SEMA6D: variants seen among roughly 807,000 people sequenced by gnomAD.
The protein encoded by SEMA6D is semaphorin-6D.
A neutral mutation model predicts 106.6 loss-of-function variants in SEMA6D; 35 were observed. The ratio of observed to expected loss-of-function variants is 0.33; its 90% CI spans 0.25 to 0.44. The LOEUF is 0.44. Among genes scored for constraint, SEMA6D ranks in the 20% least tolerant of loss-of-function variants. The pLI, the probability that SEMA6D is intolerant of heterozygous loss-of-function variation, is 1.00. For missense variants in SEMA6D, 1,185 were observed against 1,345.9 expected (o/e 0.88, Z 1.87); for synonymous variants, 499 against 487.7 (o/e 1.02, Z -0.31).
chr15:47,669,879 C>G (rs1427710760), intron 4 of SEMA6D, among the ~76,000 whole-genome samples: 1 of 152,236 alleles, frequency 6.6e-6, no homozygotes, highest in African/African-American at 2.4e-5. Flanking sequence ...AACCCATCTT[C>G]TTCCAGACAA....
intron 3 of SEMA6D, among the ~76,000 whole-genome samples, chr15:47,542,336 C>G (rs2142234796): frequency 6.6e-6 from 1 of 152,290 alleles, no homozygotes; most frequent in East Asian, 1.9e-4. Context: ...ATATGCCTTT[C>G]TAAATTGGCA....
At chr15:47,358,591 G>A (rs1222685319) in intron 1 of SEMA6D, among the ~76,000 whole-genome samples, 1 of 152,156 alleles carries the variant, frequency 6.6e-6, no homozygotes, top group Non-Finnish European at 1.5e-5. Flanking sequence ...CGTGGTGAAA[G>A]GATCATCTTG....
intron 2 of SEMA6D, among the ~76,000 whole-genome samples, chr15:47,434,446 T>C (rs1425025686): frequency 2.6e-5 from 4 of 152,088 alleles, no homozygotes; most frequent in Non-Finnish European, 5.9e-5. Flanking sequence ...GCAGATATTT[T>C]TTTTCTTCTT....
intron 1 of SEMA6D, among the ~76,000 whole-genome samples, chr15:47,188,257 A>G (rs563874045): frequency 2.0e-5 from 3 of 152,328 alleles, no homozygotes; most frequent in South Asian, 4.1e-4. Context: ...ACATTGATTA[A>G]GTGATTCAAA....
At chr15:47,614,171 G>A (rs2076963776) in intron 4 of SEMA6D, among the ~76,000 whole-genome samples, 1 of 152,020 alleles carries the variant, frequency 6.6e-6, no homozygotes, top group Non-Finnish European at 1.5e-5. Flanking sequence ...AATGAATCAG[G>A]TGAAAAAAAG....
At chr15:47,763,296 G>A (rs1291385551) in intron 9 of SEMA6D, among the ~76,000 whole-genome samples, 192 bp downstream of exon 9, 1 of 152,114 alleles carries the variant, frequency 6.6e-6, no homozygotes, top group African/African-American at 2.4e-5. Flanking sequence ...AACCTGAGTG[G>A]GAACAGCAGC....
intron 4 of SEMA6D, among the ~76,000 whole-genome samples, chr15:47,628,282 C>A (rs1372680172): frequency 1.5e-5 from 2 of 136,866 alleles, no homozygotes; most frequent in African/African-American, 4.9e-5. Flanking sequence ...GATTAAGGCA[C>A]TTGCAGGGTT....
At chr15:47,448,628 C>A (rs531670772) in intron 2 of SEMA6D, among the ~76,000 whole-genome samples, 13 of 152,140 alleles carry the variant, frequency 8.5e-5, no homozygotes, top group Non-Finnish European at 1.6e-4. Flanking sequence ...AAATGAGGTC[C>A]ATGGCGACTC....
At chr15:47,254,726 T>G (rs913620391) in intron 1 of SEMA6D, among the ~76,000 whole-genome samples, 6 of 152,212 alleles carry the variant, frequency 3.9e-5, no homozygotes, top group African/African-American at 1.2e-4. Flanking sequence ...GTTTACTGAT[T>G]TGCCCATTTT....
intron 1 of SEMA6D, among the ~76,000 whole-genome samples, chr15:47,391,901 A>G (rs2040047914): frequency 1.3e-5 from 2 of 152,104 alleles, no homozygotes; most frequent in South Asian, 2.1e-4. Context: ...TGTTCCCTCA[A>G]TATCTCTCTC....
intron 3 of SEMA6D, among the ~76,000 whole-genome samples, chr15:47,508,446 A>C (rs1048804811): frequency 2.0e-5 from 3 of 152,188 alleles, no homozygotes; most frequent in African/African-American, 7.2e-5. Flanking sequence ...GGATGGCCCC[A>C]TGGAGTGGCG....
intron 3 of SEMA6D, among the ~76,000 whole-genome samples, chr15:47,593,972 A>G (rs2076490582): frequency 6.6e-6 from 1 of 152,162 alleles, no homozygotes; most frequent in Admixed American, 6.5e-5. Context: ...CATCTCCAAC[A>G]TTGGGGATTA....
intron 1 of SEMA6D, among the ~76,000 whole-genome samples, chr15:47,375,127 G>C (rs540765898): frequency 6.6e-6 from 1 of 152,316 alleles, no homozygotes; most frequent in South Asian, 2.1e-4. Context: ...GTGCTAGGGA[G>C]TCTAACATTT....
intron 4 of SEMA6D, among the ~76,000 whole-genome samples, chr15:47,616,969 T>A (rs1345187155): frequency 6.6e-6 from 1 of 152,190 alleles, no homozygotes; most frequent in Non-Finnish European, 1.5e-5. Flanking sequence ...ACATGCTTTT[T>A]TACACCTGAA....
chr15:47,402,158 C>T (rs2040421827), intron 1 of SEMA6D, among the ~76,000 whole-genome samples: 1 of 152,146 alleles, frequency 6.6e-6, no homozygotes, highest in Non-Finnish European at 1.5e-5. Context: ...GTTGATGCCA[C>T]TGCAGAACTG....
intron 16 of SEMA6D, 98 bp from the exon 17 acceptor site, chr15:47,766,939 T>G: frequency 1.5e-6 from 1 of 669,724 alleles, no homozygotes; most frequent in Non-Finnish European, 2.4e-6. Context: ...TAATTTATAG[T>G]CTTTTTTTTT....
chr15:47,227,419 C>CTCTCTCTTTCTT (rs141918693), intron 1 of SEMA6D, among the ~76,000 whole-genome samples: 15 of 115,332 alleles, frequency 1.3e-4, no homozygotes, highest in East Asian at 6.4e-4. Flanking sequence ...TTCTTTCTTT[C>CTCTCTCTTTCTT]TCTTTCTTTC....
chr15:47,504,436 C>T (rs2043966592), intron 3 of SEMA6D, among the ~76,000 whole-genome samples: 1 of 152,002 alleles, frequency 6.6e-6, no homozygotes, highest in Non-Finnish European at 1.5e-5. Flanking sequence ...AACCCCATGG[C>T]GAGGGACAGC....
intron 3 of SEMA6D, among the ~76,000 whole-genome samples, chr15:47,507,133 C>CCTTTCCT (rs2044068082): frequency 6.6e-6 from 1 of 152,212 alleles, no homozygotes; most frequent in Non-Finnish European, 1.5e-5. Context: ...CTGTCAGCCT[C>CCTTTCCT]TACCCTGTCT....
Sources: allele counts gnomAD v4.1 joint callset (sites outside exome capture counted in the v4.1 genomes callset), GRCh38; gene constraint gnomAD v4.1.1; transcripts MANE v1.5; gene names NCBI Gene and HGNC (gene_info 2026-07-23, HGNC 2026-07-21).